SLC39A5: variants seen among roughly 807,000 people sequenced by gnomAD.
SLC39A5 encodes solute carrier family 39 member 5, also known as zinc transporter ZIP5.
Under a neutral mutation model 46.9 loss-of-function variants are expected in SLC39A5, and 42 were observed. The ratio of observed to expected loss-of-function variants is 0.90; its 90% CI spans 0.70 to 1.16. The LOEUF (loss-of-function observed/expected upper bound fraction) is 1.16, where lower values mean the gene tolerates loss of function less well. Ranked by LOEUF, SLC39A5 falls within the 50% of genes most tolerant of loss-of-function variation. The pLI, the probability that SLC39A5 is intolerant of heterozygous loss-of-function variation, is 0.00. For missense variants in SLC39A5, 677 were observed against 686.8 expected (o/e 0.99, Z 0.16); for synonymous variants, 311 against 323.1 (o/e 0.96, Z 0.40).
At chr12:56,237,446 T>A (rs1870925878) in intron 12 of SLC39A5, 106 bp downstream of exon 12, 1 of 1,531,416 alleles carries the variant, frequency 6.5e-7, no homozygotes, top group African/African-American at 1.4e-5. Context: ...TGGAAGGGCG[T>A]CAGACCATAG....
In SLC39A5 at chr12:56,235,291, C is replaced by G. The variant is rs1296218616; in HGVS notation, c.769C>G (p.Leu257Val). The change falls in exon 7 of 13, where the codon CTT becomes GTT. Residue 257 changes from leucine (L) to valine (V), a missense_variant. Transcript: ENST00000454355. Reference protein sequence around the residue: ...GFLGALAVGTLCGDALLHLLP... With the variant: ...GFLGALAVGTVCGDALLHLLP... ...CCTGGGGGCCCTGGCGGTGGGCACT[C>G]TTTGTGGGGATGCACTGCTACATCT... 3.2e-6 allele frequency: 5 copies of G among 1,545,632 alleles called. No homozygotes were observed. The highest frequency in any genetic ancestry group is 1.3e-5 in the South Asian group (1 of 79,454).
intron 12 of SLC39A5, 107 bp downstream of exon 12, chr12:56,237,447 C>A: frequency 2.0e-6 from 3 of 1,530,836 alleles, no homozygotes; most frequent in Non-Finnish European, 1.8e-6. Flanking sequence ...GGAAGGGCGT[C>A]AGACCATAGG....
intron 5 of SLC39A5, 116 bp from the exon 6 acceptor site, chr12:56,234,708 G>A (rs1370245717): frequency 9.7e-6 from 11 of 1,130,294 alleles, no homozygotes; most frequent in African/African-American, 9.2e-5. Context: ...TGATACACCC[G>A]CCTGGGCCTC....
In SLC39A5 at chr12:56,234,967, C is replaced by G. The variant is rs766715371; in HGVS notation, c.615C>G (p.Pro205=). Residue 205 remains proline, a synonymous_variant, in exon 6 of 13, where the codon CCC becomes CCG. Transcript: ENST00000454355. ...GCATCGGCGCTCCGGCCCCTGCACCCCCAGGGGATCTACTATCTGGTCAGC... is the reference window on the plus strand; with the variant it reads ...GCATCGGCGCTCCGGCCCCTGCACCGCCAGGGGATCTACTATCTGGTCAGC... ...RVCIGAPAPA[P]PGDLLSALLQ... The G allele has an allele frequency of 6.2e-7, 1 of 1,613,344 alleles. No homozygotes were observed. The highest frequency in any genetic ancestry group is 8.5e-7 in the Non-Finnish European group (1 of 1,180,030).
chr12:56,236,971 C>T lies in SLC39A5; in HGVS notation c.1248C>T (p.Thr416=), dbSNP rs2135864672. 1 of 1,614,112 alleles carries T rather than the reference C, an allele frequency of 6.2e-7. No homozygotes were observed. The highest frequency in any genetic ancestry group is 8.5e-7 in the Non-Finnish European group (1 of 1,179,976). Residue 416 remains threonine, a synonymous_variant, in exon 11 of 13, where the codon ACC becomes ACT. Transcript: ENST00000454355. ...FSDGFSSGLS[T]TLAVFCHELP... is the part of the protein sequence containing the mutation. ...ATGGCTTCTCCAGCGGCCTCAGTAC[C>T]ACCTTAGCGGTCTTCTGCCATGAGC...
chr12:56,236,403 G>A lies in SLC39A5; in HGVS notation c.953G>A (p.Cys318Tyr). The A allele has an allele frequency of 1.2e-6, 2 of 1,614,220 alleles. No homozygotes were observed. Among genetic ancestry groups the A allele is most frequent in the African/African-American group, 1.3e-5 (1 of 75,060 alleles). The part of the protein sequence containing the change: ...LRHRGLRPRC[C>Y]RRKRRNLETR... The stretch of plus-strand genomic sequence containing the variant: ...GATGCCCTCCTATTTCAGAGATGCT[G>A]CAGGCGAAAACGAAGGAATCTCGAA... The change falls in exon 9 of 13, where the codon TGC becomes TAC. Residue 318 changes from cysteine (C) to tyrosine (Y), a missense_variant. Cys to Tyr is a radical substitution (Grantham distance 194). Transcript: ENST00000454355.
chr12:56,236,797 C>T, intron 10 of SLC39A5, 51 bp downstream of exon 10: 1 of 1,577,134 alleles, frequency 6.3e-7, no homozygotes, highest in Non-Finnish European at 8.6e-7. Context: ...GGCCAGGGCT[C>T]CTAGTTATCA....
At position 56,236,681 on chromosome 12, in the gene SLC39A5, C is replaced by G; in HGVS notation, c.1142C>G (p.Thr381Ser). The change falls in exon 10 of 13, where the codon ACT (threonine) becomes AGT (serine). Residue 381 changes from threonine (T) to serine (S), a missense_variant. By Grantham distance (58) the Thr-to-Ser change is moderately conservative. Transcript: ENST00000454355. ...QGHSHGHQGG[T>S]DITWMVLLGD... ...CACAGTCATGGGCACCAGGGTGGCA[C>G]TGATATCACGTGGATGGTCCTCCTG... 5 of 1,613,556 alleles carry G rather than the reference C, an allele frequency of 3.1e-6. No homozygotes were observed. The highest frequency in any genetic ancestry group is 3.4e-6 in the Non-Finnish European group (4 of 1,179,652).
At chr12:56,235,869 C>G in intron 8 of SLC39A5, 169 bp downstream of exon 8, 1 of 808,058 alleles carries the variant, frequency 1.2e-6, no homozygotes, top group East Asian at 2.6e-5. Flanking sequence ...ATGGTGAAAC[C>G]CTGTCTCTAC....
At position 56,231,368 on chromosome 12, in the gene SLC39A5, G is replaced by T; in HGVS notation, c.94G>T (p.Ala32Ser). 6.2e-7 allele frequency: 1 copy of T among 1,614,056 alleles called. No individual in the cohort carries two copies. The highest frequency in any genetic ancestry group is 1.1e-5 in the South Asian group (1 of 91,084). ...GGGCTCAGTCCCCAACCTGGGCCCT[G>T]CTGAGCAGGAGCAGAACCATTACCT... ...VGGSVPNLGP[A>S]EQEQNHYLAQ... Residue 32 changes from alanine (A) to serine (S), a missense_variant, in exon 4 of 13, where the codon GCT becomes TCT. Coordinates refer to ENST00000454355, the MANE Select transcript of SLC39A5 (RefSeq NM_173596.3).
In SLC39A5 at chr12:56,231,357, A is replaced by C; in HGVS notation, c.83A>C (p.Asn28Thr). ...GGCTGGGTAGGGGGCTCAGTCCCCA[A>C]CCTGGGCCCTGCTGAGCAGGAGCAG... is the stretch of plus-strand genomic sequence containing the variant. ...VLGWVGGSVP[N>T]LGPAEQEQNH... Residue 28 changes from asparagine to threonine, a missense_variant, in exon 4 of 13, where the codon AAC (asparagine) becomes ACC (threonine). Coordinates refer to ENST00000454355, the MANE Select transcript of SLC39A5 (RefSeq NM_173596.3). 1.2e-6 allele frequency: 2 copies of C among 1,613,878 alleles called. No homozygotes were observed. The highest frequency in any genetic ancestry group is 1.7e-6 in the Non-Finnish European group (2 of 1,179,974).
intron 8 of SLC39A5, among the ~76,000 whole-genome samples, chr12:56,235,995 T>C (rs1245915416): frequency 1.3e-5 from 2 of 152,126 alleles, no homozygotes; most frequent in African/African-American, 4.8e-5. Flanking sequence ...CGAGCTAAGA[T>C]GGCACCACTG....
In SLC39A5 at chr12:56,235,217, T is replaced by G; in HGVS notation, c.695T>G (p.Leu232Arg). 6.3e-7 allele frequency: 1 copy of G among 1,583,890 alleles called. No homozygotes were observed. Among genetic ancestry groups the G allele is most frequent in the Middle Eastern group, 1.7e-4 (1 of 5,900 alleles). ...AGCCTCCCTTCTCCCCTATCCCTGC[T>G]GCTGCTGCGGCTCCTGGGACCTCGT... ...LLSLPSPLSL[L>R]LLRLLGPRLL... is the part of the protein sequence containing the mutation. The change falls in exon 7 of 13, where the codon CTG becomes CGG. Residue 232 changes from leucine (L) to arginine (R), a missense_variant. By Grantham distance (102) the Leu-to-Arg change is moderately radical (BLOSUM62 -2). Transcript: ENST00000454355.
At chr12:56,234,760 A>T in intron 5 of SLC39A5, 64 bp from the exon 6 acceptor site, 1 of 1,570,200 alleles carries the variant, frequency 6.4e-7, no homozygotes, top group Non-Finnish European at 8.7e-7. Flanking sequence ...ACACCTGGCC[A>T]GGTGTTAAAG....
chr12:56,237,662 G>T lies in SLC39A5; in HGVS notation c.1554G>T (p.Leu518=). The change falls in exon 13 of 13, where the codon CTG becomes CTT. Residue 518 remains leucine (L), a synonymous_variant. Coordinates refer to ENST00000454355, the MANE Select transcript of SLC39A5 (RefSeq NM_173596.3). ...TCCTGCAGGGGCTGGGGCTGCTGCT[G>T]GGGGGCGGCCTCATGCTTGCCATAA... The part of the protein sequence containing the change: ...HVLLQGLGLL[L]GGGLMLAITL... 2 of 1,608,882 alleles carry T rather than the reference G, an allele frequency of 1.2e-6. No individual in the cohort carries two copies. The highest frequency in any genetic ancestry group is 1.7e-6 in the Non-Finnish European group (2 of 1,178,014).
At position 56,234,808 on chromosome 12, in the gene SLC39A5, A is replaced by G. The variant is rs1243299591; in HGVS notation, c.472-16A>G. The G allele has an allele frequency of 6.2e-7, 1 of 1,612,936 alleles. No individual in the cohort carries two copies. Among genetic ancestry groups the G allele is most frequent in the African/African-American group, 1.3e-5 (1 of 74,922 alleles). ...GTTCCTGGTGATTCTCCAATGTATG[A>G]CCCTCAATTCTCCAGTGTCTGAACG... On this transcript the variant is annotated splice_polypyrimidine_tract_variant and intron_variant, in intron 5 of 12. Transcript: ENST00000454355.
At chr12:56,230,677 G>A (rs772270035) in intron 2 of SLC39A5, 154 bp from the exon 3 acceptor site, 3 of 152,258 alleles carry the variant, frequency 2.0e-5, no homozygotes, top group Non-Finnish European at 4.4e-5. Flanking sequence ...CCTCTCTTAT[G>A]TGAGCCTTCA....
intron 5 of SLC39A5, 43 bp from the exon 6 acceptor site, chr12:56,234,779 CAT>C: frequency 1.2e-6 from 2 of 1,607,070 alleles, no homozygotes; most frequent in Non-Finnish European, 1.7e-6. Context: ...AGATCTGAGT[CAT>C]AGTTCCTGGT....
Position 56,234,913 on chromosome 12 carries a change from C to T in SLC39A5, c.561C>T (p.Ala187=), listed in dbSNP as rs764587045. Residue 187 remains alanine, a synonymous_variant, in exon 6 of 13, where the codon GCC becomes GCT. Transcript: ENST00000454355. ...GTCAGTTTGCTCTGCTGTGCCCAGC[C>T]CTGCTTTATCAGATCGACAGCCGCG... is the stretch of plus-strand genomic sequence containing the variant. ...TPRQFALLCP[A]LLYQIDSRVC... 2.5e-6 allele frequency: 4 copies of T among 1,613,920 alleles called. No individual in the cohort carries two copies. Among genetic ancestry groups the T allele is most frequent in the Middle Eastern group, 1.6e-4 (1 of 6,062 alleles).
Sources: gnomAD v4.1 joint callset for allele counts (sites outside exome capture counted in the v4.1 genomes callset) on GRCh38, gnomAD v4.1.1 for gene constraint, MANE v1.5 for transcripts, NCBI Gene and HGNC (gene_info 2026-07-23, HGNC 2026-07-21) for gene names.